The following RABGAP1L variants were observed in gnomAD, a reference collection of about 807,000 sequenced individuals.
The protein encoded by RABGAP1L is RAB GTPase activating protein 1 like.
Under a neutral mutation model 137.7 loss-of-function variants are expected in RABGAP1L, and 63 were observed. That is an observed-to-expected ratio of 0.46 (90% CI 0.37 to 0.56). RABGAP1L has a LOEUF of 0.56. RABGAP1L is among the 20% of genes least tolerant of loss of function. The pLI, the probability that RABGAP1L is intolerant of heterozygous loss-of-function variation, is 0.00. For missense variants in RABGAP1L, 1,095 were observed against 1,244.0 expected, an observed-to-expected ratio of 0.88 and a Z score of 1.80; for synonymous variants, 431 against 433.7, an observed-to-expected ratio of 0.99 and a Z score of 0.08.
Position 174,993,476 on chromosome 1 carries a change from A to G in RABGAP1L, c.*3475A>G, listed in dbSNP as rs1672186689. On this transcript the variant is annotated 3_prime_UTR_variant, in exon 26 of 26. Coordinates refer to ENST00000681986, the MANE Select transcript of RABGAP1L (RefSeq NM_001366446.1). The stretch of plus-strand genomic sequence containing the variant: ...ATTTTCTTAAAATATTTTCCAGTTA[A>G]TAACTAGTTGCTTTATTTCCTAGCT... 1 of 152,206 alleles carries G rather than the reference A, an allele frequency of 6.6e-6. No individual in the cohort carries two copies. Among genetic ancestry groups the G allele is most frequent in the Non-Finnish European group, 1.5e-5 (1 of 68,026 alleles). The allele number at this position is 152,206 out of a possible 1,614,324, so 9.4% of individuals were successfully genotyped here.
intron 1 of RABGAP1L, among the ~76,000 whole-genome samples, chr1:174,211,443 G>C (rs1340623489): frequency 6.6e-6 from 1 of 152,090 alleles, no homozygotes; most frequent in East Asian, 1.9e-4. Context: ...TTACAAGATA[G>C]TATTTGCAAG....
chr1:174,319,557 A>G (rs1241941777), intron 11 of RABGAP1L, among the ~76,000 whole-genome samples: 2 of 152,112 alleles, frequency 1.3e-5, no homozygotes, highest in African/African-American at 2.4e-5. Flanking sequence ...GTCTTATTGC[A>G]TTTACTAGGA....
At chr1:174,531,890 G>C (rs1572194757) in intron 13 of RABGAP1L, among the ~76,000 whole-genome samples, 1 of 151,894 alleles carries the variant, frequency 6.6e-6, no homozygotes, top group East Asian at 1.9e-4. Context: ...GGAGACAATG[G>C]AACATCATCT....
intron 11 of RABGAP1L, among the ~76,000 whole-genome samples, chr1:174,348,037 C>T (rs923992942): frequency 3.3e-5 from 5 of 151,892 alleles, no homozygotes; most frequent in Non-Finnish European, 7.4e-5. Context: ...GGACTTATTC[C>T]TGACATTTTG....
intron 13 of RABGAP1L, among the ~76,000 whole-genome samples, chr1:174,520,736 C>T (rs1409075288): frequency 6.6e-6 from 1 of 152,082 alleles, no homozygotes; most frequent in Non-Finnish European, 1.5e-5. Context: ...GGCATGGAGG[C>T]TCAGGTCTGT....
chr1:174,470,896 G>A (rs1419873455), intron 13 of RABGAP1L, among the ~76,000 whole-genome samples: 2 of 152,116 alleles, frequency 1.3e-5, no homozygotes, highest in Non-Finnish European at 2.9e-5. Context: ...AAATTAACTA[G>A]CCTCAGAAGT....
At chr1:174,851,381 A>G (rs1293657684) in intron 19 of RABGAP1L, among the ~76,000 whole-genome samples, 2 of 152,150 alleles carry the variant, frequency 1.3e-5, no homozygotes, top group African/African-American at 4.8e-5. Context: ...TGGTGCCATA[A>G]GTAGAATATG....
chr1:174,588,325 G>A (rs1669283322), intron 13 of RABGAP1L, among the ~76,000 whole-genome samples: 1 of 151,954 alleles, frequency 6.6e-6, no homozygotes, highest in South Asian at 2.1e-4. Context: ...CACCATGCCT[G>A]GCTAAATTTT....
intron 13 of RABGAP1L, among the ~76,000 whole-genome samples, chr1:174,507,646 T>C (rs1480160300): frequency 6.6e-6 from 1 of 152,126 alleles, no homozygotes; most frequent in African/African-American, 2.4e-5. Context: ...GAAAATTGAT[T>C]TACTATCTTG....
chr1:174,439,620 A>G (rs1192907795), intron 13 of RABGAP1L, among the ~76,000 whole-genome samples: 1 of 152,176 alleles, frequency 6.6e-6, no homozygotes, highest in Non-Finnish European at 1.5e-5. Flanking sequence ...CTTCATTTGA[A>G]TATATTAGGA....
intron 18 of RABGAP1L, among the ~76,000 whole-genome samples, chr1:174,764,024 C>T (rs1388323649): frequency 2.6e-5 from 4 of 152,108 alleles, no homozygotes; most frequent in African/African-American, 9.7e-5. Flanking sequence ...TGTAGATTTA[C>T]CTATTCTGAA....
chr1:174,621,276 C>G (rs376833939), intron 13 of RABGAP1L, among the ~76,000 whole-genome samples: 14 of 152,146 alleles, frequency 9.2e-5, no homozygotes, highest in Non-Finnish European at 1.6e-4. Context: ...TGGCCATACT[C>G]CCCAAGGTAA....
chr1:174,475,251 A>G (rs1238463238), intron 13 of RABGAP1L, among the ~76,000 whole-genome samples: 1 of 152,130 alleles, frequency 6.6e-6, no homozygotes, highest in Non-Finnish European at 1.5e-5. Flanking sequence ...GCTGTAGTCT[A>G]CAGAGCACAC....
At chr1:174,563,132 A>G (rs935081783) in intron 13 of RABGAP1L, among the ~76,000 whole-genome samples, 2 of 152,174 alleles carry the variant, frequency 1.3e-5, no homozygotes, top group African/African-American at 4.8e-5. Context: ...TGAAATATTT[A>G]CTATCTGGCT....
intron 19 of RABGAP1L, among the ~76,000 whole-genome samples, chr1:174,855,167 A>C (rs987233324): frequency 6.6e-6 from 1 of 152,186 alleles, no homozygotes; most frequent in South Asian, 2.1e-4. Flanking sequence ...TATTAAGTGT[A>C]GGAAGTCAAA....
chr1:174,555,261 G>T (rs1189460378), intron 13 of RABGAP1L, among the ~76,000 whole-genome samples: 1 of 152,136 alleles, frequency 6.6e-6, no homozygotes, highest in East Asian at 1.9e-4. Context: ...CTCAATTTCA[G>T]CTGTTACTCA....
chr1:174,767,721 G>T (rs1685790653), intron 18 of RABGAP1L, among the ~76,000 whole-genome samples: 2 of 151,978 alleles, frequency 1.3e-5, no homozygotes, highest in African/African-American at 4.8e-5. Flanking sequence ...TGTTTCCCAA[G>T]ATTTTTGAAA....
chr1:174,240,109 A>G (rs944009089), intron 4 of RABGAP1L, among the ~76,000 whole-genome samples: 1 of 152,186 alleles, frequency 6.6e-6, no homozygotes, highest in Admixed American at 6.6e-5. Flanking sequence ...ACAGAGATTT[A>G]GTGTTTTGAC....
rs10530813 is a variant in RABGAP1L at position 174,874,578 on chromosome 1, CTTTTTTTT to C, written c.2340+62636_2340+62643del. ...CTCAGGTAATTCTCCACACCACTGCCTTTTTTTTTTTTTTTTTTTTTTTTTCCAATGCA... is the reference window on the plus strand; with the variant it reads ...CTCAGGTAATTCTCCACACCACTGCCTTTTTTTTTTTTTTTTTCCAATGCA... On this transcript the variant is annotated intron_variant, in intron 19 of 25. Transcript: ENST00000681986. The C allele has an allele frequency of 2.0e-3, 477 of 232,756 alleles. 2 individuals carry two copies. Among genetic ancestry groups the C allele is most frequent in the South Asian group, 0.014 (60 of 4,354 alleles). The allele number at this position is 232,756 out of a possible 1,614,324, so 14.4% of individuals were successfully genotyped here.
Sources: gnomAD v4.1 joint callset for allele counts (sites outside exome capture counted in the v4.1 genomes callset) on GRCh38, gnomAD v4.1.1 for gene constraint, MANE v1.5 for transcripts, NCBI Gene and HGNC (gene_info 2026-07-23, HGNC 2026-07-21) for gene names.